The following HIGD1A variants were observed in gnomAD, a reference collection of about 807,000 sequenced individuals.
HIGD1A encodes HIG1 domain family member 1A, mitochondrial.
In HIGD1A, 8 loss-of-function variants were observed where a neutral mutation model predicts 11.3. The observed-to-expected ratio is 0.71, with a 90% confidence interval of 0.42 to 1.28. The LOEUF (loss-of-function observed/expected upper bound fraction) is 1.28. Ranked by LOEUF, HIGD1A falls within the 50% of genes most tolerant of loss-of-function variation. HIGD1A has a pLI of 0.01. For missense variants in HIGD1A, 107 were observed against 118.8 expected, an observed-to-expected ratio of 0.90 and a Z score of 0.46; for synonymous variants, 32 against 38.4, an observed-to-expected ratio of 0.83 and a Z score of 0.62.
intron 1 of HIGD1A, among the ~76,000 whole-genome samples, chr3:42,795,087 C>T (rs1700477606): frequency 6.6e-6 from 1 of 151,944 alleles, no homozygotes; most frequent in African/African-American, 2.4e-5. Flanking sequence ...TTGGCACACA[C>T]CACCGTGCCT....
At chr3:42,794,708 A>C (rs1346360122) in intron 1 of HIGD1A, among the ~76,000 whole-genome samples, 1 of 152,230 alleles carries the variant, frequency 6.6e-6, no homozygotes, top group Non-Finnish European at 1.5e-5. Context: ...AATCCTACTT[A>C]GCACTTTTCG....
rs1333011603 is a variant in HIGD1A at position 42,784,036 on chromosome 3, A to C, written c.*1235T>G. ...AGTTGCAGTGAGCCAAGATCGTGCC[A>C]CTGCACGCCAGCCAAGATGACAGAG... On this transcript the variant is annotated 3_prime_UTR_variant, in exon 4 of 4. Transcript: ENST00000321331. 1.3e-5 allele frequency among the ~76,000 whole-genome samples: 2 copies of C among 150,084 alleles called. No homozygotes were observed. The highest frequency in any genetic ancestry group is 2.5e-5 in the African/African-American group (1 of 40,742).
chr3:42,804,220 C>G (rs1055120210), intron 1 of HIGD1A: 4 of 1,609,766 alleles, frequency 2.5e-6, no homozygotes, highest in Non-Finnish European at 8.5e-7. Context: ...TCCCCTCACC[C>G]GAAGGACCCT....
At chr3:42,803,911 G>A (rs1042403372) in intron 1 of HIGD1A, among the ~76,000 whole-genome samples, 5 of 152,124 alleles carry the variant, frequency 3.3e-5, no homozygotes, top group East Asian at 1.9e-4. Context: ...AGGACTGGAA[G>A]GTCCTCTGCT....
At chr3:42,788,986 A>C (rs1700385473) in intron 2 of HIGD1A, among the ~76,000 whole-genome samples, 1 of 152,068 alleles carries the variant, frequency 6.6e-6, no homozygotes. Flanking sequence ...TCAACTTTAA[A>C]ATGTATTAGA....
chr3:42,792,573 C>G (rs2125591271), intron 2 of HIGD1A, among the ~76,000 whole-genome samples: 2 of 151,726 alleles, frequency 1.3e-5, no homozygotes, highest in South Asian at 4.2e-4. Context: ...ACTCGGGAGG[C>G]TGAGGCAGGA....
chr3:42,795,368 G>A (rs753277597), intron 1 of HIGD1A, among the ~76,000 whole-genome samples: 4 of 151,974 alleles, frequency 2.6e-5, no homozygotes, highest in Non-Finnish European at 5.9e-5. Context: ...AGAAGTGCCT[G>A]CCACCATGCC....
chr3:42,791,557 C>T (rs1195921291), intron 2 of HIGD1A, among the ~76,000 whole-genome samples: 2 of 152,118 alleles, frequency 1.3e-5, no homozygotes, highest in African/African-American at 4.8e-5. Context: ...TGGTGTAAAT[C>T]ATTGTTTTGG....
chr3:42,793,706 A>G (rs544472066), intron 2 of HIGD1A, among the ~76,000 whole-genome samples: 111 of 152,354 alleles, frequency 7.3e-4, no homozygotes, highest in Non-Finnish European at 1.2e-3. Flanking sequence ...CTGGAGTGGC[A>G]GCTCACGCCT....
rs1440929443 is a variant in HIGD1A, at chr3:42,784,065, A to G, written c.*1206T>C. ...CACGCCAGCCAAGATGACAGAGAAT[A>G]ACTCCGTCTCAAAAAAAAAAAAAAA... On this transcript the variant is annotated 3_prime_UTR_variant, in exon 4 of 4. Transcript: ENST00000321331. Among the ~76,000 whole-genome samples the G allele has an allele frequency of 8.6e-6, 1 of 115,650 alleles. No homozygotes were observed. Among genetic ancestry groups the G allele is most frequent in the East Asian group, 2.5e-4 (1 of 3,998 alleles). 75.9% of individuals were successfully genotyped at this position (115,650 alleles called of 152,430 possible).
rs1464593065 is a variant in HIGD1A at position 42,787,606 on chromosome 3, T to A, written c.98-1444A>T. Among the ~76,000 whole-genome samples the A allele has an allele frequency of 4.8e-4, 53 of 111,352 alleles. 1 individual carries two copies. Among genetic ancestry groups the A allele is most frequent in the African/African-American group, 8.0e-4 (22 of 27,666 alleles). 73.1% of individuals were successfully genotyped at this position (111,352 alleles called of 152,430 possible). ...ACTCCATCTCAAAAATATATATATA[T>A]ATATATATATATATAAATTTTTAAA... On this transcript the variant is annotated intron_variant, in intron 2 of 3. Coordinates refer to ENST00000321331, the MANE Select transcript of HIGD1A (RefSeq NM_014056.4).
Position 42,787,594 on chromosome 3 carries a change from A to AAAAAT in HIGD1A, c.98-1433_98-1432insATTTT, listed in dbSNP as rs1383516264. 5.0e-5 allele frequency among the ~76,000 whole-genome samples: 7 copies of AAAAAT among 141,250 alleles called. No homozygotes were observed. The South Asian group carries it at 1.3e-3, about 26-fold the overall frequency. 92.7% of individuals were successfully genotyped at this position (141,250 alleles called of 152,430 possible). A position where few individuals can be genotyped will look rare whatever the true frequency, so the allele number is the denominator to read the frequency against. ...CGACAGAGCGAGACTCCATCTCAAA[A>AAAAAT]ATATATATATATATATATATATATA... On this transcript the variant is annotated intron_variant, in intron 2 of 3. Transcript: ENST00000321331.
intron 1 of HIGD1A, among the ~76,000 whole-genome samples, chr3:42,800,516 T>C (rs1262003175): frequency 6.6e-6 from 1 of 152,072 alleles, no homozygotes; most frequent in African/African-American, 2.4e-5. Flanking sequence ...TTGTGAGAGT[T>C]TCCCTCCCTT....
At position 42,784,549 on chromosome 3, in the gene HIGD1A, T is replaced by G. The variant is rs6865; in HGVS notation, c.*722A>C. The G allele has an allele frequency of 0.18, 26,930 of 152,668 alleles. 2,754 individuals are homozygous for G. Among genetic ancestry groups the G allele is most frequent in the Non-Finnish European group, 0.23 (15,453 of 68,014 alleles). 9.5% of individuals were successfully genotyped at this position (152,668 alleles called of 1,614,324 possible). A position where few individuals can be genotyped will look rare whatever the true frequency, so the allele number is the denominator to read the frequency against. ...AGCAACACACACATTTAAAACGTGT[T>G]CATTTACCTTTGCGTGAGTGCTTAA... is the stretch of plus-strand genomic sequence containing the variant. On this transcript the variant is annotated 3_prime_UTR_variant, in exon 4 of 4. Coordinates refer to ENST00000321331, the MANE Select transcript of HIGD1A (RefSeq NM_014056.4).
At chr3:42,785,383 C>A in intron 3 of HIGD1A, 63 bp from the exon 4 acceptor site, 1 of 1,375,212 alleles carries the variant, frequency 7.3e-7, no homozygotes, top group Non-Finnish European at 1.0e-6. Flanking sequence ...AAATAAAAAC[C>A]AGTTCATAAA....
intron 1 of HIGD1A, among the ~76,000 whole-genome samples, chr3:42,802,871 T>C (rs951321420): frequency 6.6e-6 from 1 of 152,222 alleles, no homozygotes; most frequent in African/African-American, 2.4e-5. Context: ...TGATGTAAAT[T>C]AGATTAAATT....
chr3:42,793,009 G>A (rs1233851642), intron 2 of HIGD1A, among the ~76,000 whole-genome samples: 2 of 148,626 alleles, frequency 1.3e-5, no homozygotes, highest in Non-Finnish European at 3.0e-5. Context: ...GTCGAGTTTC[G>A]AATAACATAG....
rs148203815 is a variant in HIGD1A at position 42,800,781 on chromosome 3, G to A, written c.-23+3655C>T. Among the ~76,000 whole-genome samples the A allele has an allele frequency of 5.2e-4, 79 of 151,294 alleles. No individual in the cohort carries two copies. The East Asian group carries it at 0.013, about 25-fold the overall frequency. ...GCTCAGAAATCATCCTAGGAAGCCCGCCCTGTTGACATTTGTCATGCTTAG... is the reference window on the plus strand; with the variant it reads ...GCTCAGAAATCATCCTAGGAAGCCCACCCTGTTGACATTTGTCATGCTTAG... On this transcript the variant is annotated intron_variant, in intron 1 of 3. Transcript: ENST00000321331.
At chr3:42,793,713 G>A (rs73077208) in intron 2 of HIGD1A, among the ~76,000 whole-genome samples, 26,777 of 152,158 alleles carry the variant, frequency 0.18, 2,736 homozygotes, top group Non-Finnish European at 0.23. Flanking sequence ...GGCAGCTCAC[G>A]CCTATAATCC....
Sources: allele counts gnomAD v4.1 joint callset (sites outside exome capture counted in the v4.1 genomes callset), GRCh38; gene constraint gnomAD v4.1.1; transcripts MANE v1.5; gene names NCBI Gene and HGNC (gene_info 2026-07-23, HGNC 2026-07-21).